WWOX: variants seen among roughly 807,000 people sequenced by gnomAD.
WWOX encodes WW domain containing oxidoreductase.
Under a neutral mutation model 46.2 loss-of-function variants are expected in WWOX, and 69 were observed. That is an observed-to-expected ratio of 1.49 (90% CI 1.23 to 1.82). WWOX has a LOEUF of 1.82. WWOX is among the 40% of genes most tolerant of loss of function. The pLI is 0.00. For synonymous variants in WWOX, 359 were observed against 202.6 expected, an observed-to-expected ratio of 1.77 and a Z score of -6.56; for missense variants, 919 against 542.6, an observed-to-expected ratio of 1.69 and a Z score of -6.89.
At chr16:79,156,420 C>T (rs557460517) in intron 8 of WWOX, among the ~76,000 whole-genome samples, 2 of 152,332 alleles carry the variant, frequency 1.3e-5, no homozygotes, top group African/African-American at 4.8e-5. Flanking sequence ...CTCAGCCTCC[C>T]AAAGTGCTGG....
intron 8 of WWOX, among the ~76,000 whole-genome samples, chr16:79,040,407 T>TGGGACCACA (rs1304837577): frequency 6.6e-6 from 1 of 151,734 alleles, no homozygotes; most frequent in African/African-American, 2.4e-5. Context: ...CATGAGCAGC[T>TGGGACCACA]GGGACCACAG....
intron 8 of WWOX, among the ~76,000 whole-genome samples, chr16:78,594,445 C>A (rs1007586373): frequency 1.2e-5 from 1 of 84,194 alleles, no homozygotes; most frequent in Non-Finnish European, 2.7e-5. Context: ...CCCCCCCCCC[C>A]GCCAAATTGT....
At chr16:78,355,993 A>C (rs1410312860) in intron 5 of WWOX, among the ~76,000 whole-genome samples, 4 of 149,066 alleles carry the variant, frequency 2.7e-5, no homozygotes, top group Non-Finnish European at 4.4e-5. Flanking sequence ...CAGATAATTC[A>C]CAACTTCTTA....
At chr16:78,528,005 T>TTTTTTTTTTTTG (rs2043521289) in intron 8 of WWOX, among the ~76,000 whole-genome samples, 1 of 104,890 alleles carries the variant, frequency 9.5e-6, no homozygotes, top group Non-Finnish European at 2.0e-5. Flanking sequence ...TTTTTTTTTT[T>TTTTTTTTTTTTG]TTTTTTTTTT....
chr16:78,914,685 C>G (rs964671918), intron 8 of WWOX, among the ~76,000 whole-genome samples: 1 of 151,678 alleles, frequency 6.6e-6, no homozygotes, highest in African/African-American at 2.4e-5. Context: ...CCAGACTATC[C>G]TGGCTAACAC....
intron 8 of WWOX, among the ~76,000 whole-genome samples, chr16:79,211,248 T>C (rs418017): frequency 0.68 from 103,658 of 151,928 alleles, 36,216 homozygotes; most frequent in African/African-American, 0.75. Context: ...ATGGAGAAGT[T>C]GAGGGGTTGG....
intron 5 of WWOX, among the ~76,000 whole-genome samples, chr16:78,276,794 T>A (rs2079586910): frequency 6.6e-6 from 1 of 152,198 alleles, no homozygotes; most frequent in Non-Finnish European, 1.5e-5. Context: ...ATATTTACTG[T>A]CTGAAAGTTT....
intron 8 of WWOX, among the ~76,000 whole-genome samples, chr16:78,928,327 C>G (rs1023494158): frequency 2.0e-5 from 3 of 151,354 alleles, no homozygotes; most frequent in African/African-American, 7.3e-5. Context: ...CTCAGCCTCC[C>G]GAGTAGCTGG....
chr16:78,519,976 C>T (rs79386016), intron 8 of WWOX, among the ~76,000 whole-genome samples: 162 of 152,330 alleles, frequency 1.1e-3, no homozygotes, highest in African/African-American at 3.8e-3. Context: ...TCATTCTACG[C>T]ATGCTGTTCT....
chr16:79,124,283 G>A (rs920798254), intron 8 of WWOX, among the ~76,000 whole-genome samples: 1 of 152,100 alleles, frequency 6.6e-6, no homozygotes, highest in Non-Finnish European at 1.5e-5. Flanking sequence ...GGTCTTAAAA[G>A]CATCCGCGCT....
chr16:78,753,005 T>C (rs1251561423), intron 8 of WWOX, among the ~76,000 whole-genome samples: 3 of 151,986 alleles, frequency 2.0e-5, no homozygotes, highest in African/African-American at 7.2e-5. Flanking sequence ...ATTTCAGTAA[T>C]CTCTTAGGGC....
intron 8 of WWOX, among the ~76,000 whole-genome samples, chr16:79,113,286 G>A (rs910248157): frequency 2.0e-5 from 3 of 152,146 alleles, no homozygotes; most frequent in Non-Finnish European, 4.4e-5. Flanking sequence ...TGTGGATGAC[G>A]GGTGAAGAAT....
At chr16:78,205,194 G>A (rs74839998) in intron 5 of WWOX, among the ~76,000 whole-genome samples, 2,516 of 152,234 alleles carry the variant, frequency 0.017, 77 homozygotes, top group African/African-American at 0.057. Flanking sequence ...CTTTTCCAGT[G>A]ATGGGGATGG....
chr16:78,834,738 G>C (rs773335703), intron 8 of WWOX, among the ~76,000 whole-genome samples: 1 of 152,124 alleles, frequency 6.6e-6, no homozygotes, highest in Non-Finnish European at 1.5e-5. Flanking sequence ...AGGGGATACA[G>C]ACAAAGAGAA....
chr16:78,886,429 T>A (rs1042154644), intron 8 of WWOX, among the ~76,000 whole-genome samples: 3 of 151,824 alleles, frequency 2.0e-5, no homozygotes, highest in African/African-American at 7.3e-5. Flanking sequence ...AAAAGAACAT[T>A]TCCTCTTCTT....
intron 5 of WWOX, among the ~76,000 whole-genome samples, chr16:78,322,027 T>C (rs1410590550): frequency 6.6e-6 from 1 of 152,160 alleles, no homozygotes; most frequent in Non-Finnish European, 1.5e-5. Flanking sequence ...GCAGCTAAAG[T>C]GGACAGACCC....
chr16:78,736,637 C>G (rs2049099125), intron 8 of WWOX, among the ~76,000 whole-genome samples: 1 of 151,826 alleles, frequency 6.6e-6, no homozygotes, highest in African/African-American at 2.4e-5. Flanking sequence ...TGTCTCTTTC[C>G]CCCAGGCTAC....
chr16:78,575,156 C>T (rs1196332177), intron 8 of WWOX, among the ~76,000 whole-genome samples: 27 of 126,918 alleles, frequency 2.1e-4, no homozygotes, highest in Non-Finnish European at 1.3e-4. Flanking sequence ...AAAAACTTTG[C>T]ATATTTTAAT....
intron 8 of WWOX, among the ~76,000 whole-genome samples, chr16:79,115,487 C>G (rs992264994): frequency 1.3e-5 from 2 of 152,122 alleles, no homozygotes; most frequent in East Asian, 1.9e-4. Context: ...ACACATTTGT[C>G]TTTGAGCCTT....
Sources: allele counts gnomAD v4.1 joint callset (sites outside exome capture counted in the v4.1 genomes callset), GRCh38; gene constraint gnomAD v4.1.1; transcripts MANE v1.5; gene names NCBI Gene and HGNC (gene_info 2026-07-23, HGNC 2026-07-21).